The following SLC26A7 variants were observed in gnomAD, a reference collection of about 807,000 sequenced individuals.
SLC26A7 encodes the protein solute carrier family 26 member 7, also known as anion exchange transporter.
A neutral mutation model predicts 82.5 loss-of-function variants in SLC26A7; 59 were observed. That is an observed-to-expected ratio of 0.72 (90% CI 0.58 to 0.89). The LOEUF is 0.89. SLC26A7 is among the 40% of genes least tolerant of loss of function. The probability of loss-of-function intolerance (pLI) is 0.00; values close to 1 mark genes in which losing one functional copy is unlikely to be tolerated. For missense variants in SLC26A7, 820 were observed against 793.0 expected (o/e 1.03, Z -0.41); for synonymous variants, 271 against 274.3 (o/e 0.99, Z 0.12).
At chr8:91,378,163 A>G (rs1814568439) in intron 15 of SLC26A7, among the ~76,000 whole-genome samples, 1 of 151,902 alleles carries the variant, frequency 6.6e-6, no homozygotes, top group African/African-American at 2.4e-5. Flanking sequence ...TGGTCAATTA[A>G]TGAATAAATG....
intron 2 of SLC26A7, among the ~76,000 whole-genome samples, chr8:91,271,871 G>A (rs1212164347): frequency 1.3e-5 from 2 of 152,166 alleles, no homozygotes; most frequent in East Asian, 3.9e-4. Flanking sequence ...TGGGATTACA[G>A]GCGTGAGCCA....
rs553942645 is a variant in SLC26A7, at chr8:91,227,708, T to C, written c.-34+8703T>C. 6.0e-4 allele frequency among the ~76,000 whole-genome samples: 92 copies of C among 152,338 alleles called. 1 individual carries two copies. In the South Asian group the frequency reaches 6.6e-3, roughly 11 times the overall value. On this transcript the variant is annotated intron_variant, in intron 2 of 5. Transcript: ENST00000522862. The stretch of plus-strand genomic sequence containing the variant: ...TATATTAGCTATTTTAGGACTTTTA[T>C]GTTAAAAAGCATTGTTTTCTTTCTT...
At position 91,366,577 on chromosome 8, in the gene SLC26A7, A is replaced by G. The variant is rs768261970; in HGVS notation, c.1489-3A>G. 1.2e-6 allele frequency: 2 copies of G among 1,609,984 alleles called. No individual in the cohort carries two copies. The highest frequency in any genetic ancestry group is 1.7e-6 in the Non-Finnish European group (2 of 1,179,078). ...TTCTGAATCTGTTTTTCTCCTCCAAAAGGAAACCCTGCAGCAGGTGAAAAT... is the reference window on the plus strand; with the variant it reads ...TTCTGAATCTGTTTTTCTCCTCCAAGAGGAAACCCTGCAGCAGGTGAAAAT... On this transcript the variant is annotated splice_polypyrimidine_tract_variant and splice_region_variant and intron_variant, in intron 13 of 18. Coordinates refer to ENST00000276609, the MANE Select transcript of SLC26A7 (RefSeq NM_052832.4).
At chr8:91,341,076 C>T (rs543325547) in intron 8 of SLC26A7, among the ~76,000 whole-genome samples, 1 of 151,220 alleles carries the variant, frequency 6.6e-6, no homozygotes, top group Non-Finnish European at 1.5e-5. Flanking sequence ...CATGCTGGTG[C>T]GCTACACCCA....
chr8:91,272,306 T>C (rs1811293919), intron 2 of SLC26A7, among the ~76,000 whole-genome samples: 1 of 152,224 alleles, frequency 6.6e-6, no homozygotes. Flanking sequence ...CTTTGCTTGA[T>C]ATACAATAGT....
At chr8:91,329,415 A>C (rs1813017948) in intron 5 of SLC26A7, among the ~76,000 whole-genome samples, 2 of 152,036 alleles carry the variant, frequency 1.3e-5, no homozygotes, top group South Asian at 2.1e-4. Context: ...GCTGGTTGTA[A>C]TGAGCTATCC....
At chr8:91,321,323 C>T (rs1398878411) in intron 5 of SLC26A7, among the ~76,000 whole-genome samples, 2 of 152,204 alleles carry the variant, frequency 1.3e-5, no homozygotes, top group African/African-American at 4.8e-5. Context: ...TTCTCATAGG[C>T]TTGAGGGATA....
intron 5 of SLC26A7, among the ~76,000 whole-genome samples, chr8:91,318,593 T>C (rs1344670480): frequency 1.3e-5 from 2 of 152,052 alleles, no homozygotes; most frequent in Non-Finnish European, 2.9e-5. Flanking sequence ...TAATGAACAA[T>C]GGAATATGAG....
intron 5 of SLC26A7, among the ~76,000 whole-genome samples, chr8:91,322,154 A>G (rs1166422696): frequency 6.6e-6 from 1 of 152,184 alleles, no homozygotes; most frequent in African/African-American, 2.4e-5. Context: ...GTGTATTTTA[A>G]TGACTTTAGA....
At chr8:91,332,968 C>T (rs1181327404) in intron 5 of SLC26A7, among the ~76,000 whole-genome samples, 1 of 152,124 alleles carries the variant, frequency 6.6e-6, no homozygotes, top group Non-Finnish European at 1.5e-5. Flanking sequence ...TTGAGAACCA[C>T]TATGTTAAAT....
At chr8:91,215,408 T>A (rs1182343733) in intron 1 of SLC26A7, among the ~76,000 whole-genome samples, 2 of 152,170 alleles carry the variant, frequency 1.3e-5, no homozygotes, top group Non-Finnish European at 2.9e-5. Context: ...CAGTGATGGT[T>A]ACCAATTATG....
chr8:91,394,095 G>C lies in SLC26A7; in HGVS notation c.1935+56G>C. The C allele has an allele frequency of 6.3e-6, 10 of 1,589,454 alleles. No individual in the cohort carries two copies. The South Asian group carries it at 1.0e-4, about 16-fold the overall frequency. On this transcript the variant is annotated intron_variant, in intron 18 of 18. Transcript: ENST00000276609. The stretch of plus-strand genomic sequence containing the variant: ...ATAAGAATATTCAGAATATAGAATC[G>C]AAGCTTTGCATCTTTTATATTAGCT...
chr8:91,370,964 G>T (rs1814342452), intron 15 of SLC26A7, among the ~76,000 whole-genome samples: 1 of 151,686 alleles, frequency 6.6e-6, no homozygotes, highest in Admixed American at 6.6e-5. Context: ...ATATCTAGTT[G>T]TATTACTTTT....
At chr8:91,235,994 C>T (rs1810387954) in intron 2 of SLC26A7, among the ~76,000 whole-genome samples, 1 of 152,178 alleles carries the variant, frequency 6.6e-6, no homozygotes, top group African/African-American at 2.4e-5. Flanking sequence ...GAAAATTTTA[C>T]TTAGATGCAT....
In SLC26A7 at chr8:91,395,195, G is replaced by C; in HGVS notation, c.*98G>C. ...ACTTTTTGGTTGTTTAGATCCTACA[G>C]ATGACCTCTGCTACAATAAGTACGA... On this transcript the variant is annotated 3_prime_UTR_variant, in exon 19 of 19. Transcript: ENST00000276609. 2.5e-6 allele frequency: 4 copies of C among 1,583,444 alleles called. No individual in the cohort carries two copies. The East Asian group carries it at 9.0e-5, about 36-fold the overall frequency.
At chr8:91,374,591 A>G (rs1394877823) in intron 15 of SLC26A7, among the ~76,000 whole-genome samples, 1 of 152,006 alleles carries the variant, frequency 6.6e-6, no homozygotes, top group Non-Finnish European at 1.5e-5. Context: ...TTCCAAAAAG[A>G]TGCTTGATAT....
At chr8:91,334,979 A>G (rs1813200565) in intron 6 of SLC26A7, among the ~76,000 whole-genome samples, 1 of 152,182 alleles carries the variant, frequency 6.6e-6, no homozygotes, top group Admixed American at 6.5e-5. Flanking sequence ...GTACCTGGAA[A>G]AGCAATACAT....
chr8:91,351,899 C>A lies in SLC26A7; in HGVS notation c.1218+12C>A. 6.4e-7 allele frequency: 1 copy of A among 1,567,944 alleles called. No homozygotes were observed. The highest frequency in any genetic ancestry group is 8.8e-7 in the Non-Finnish European group (1 of 1,139,874). ...ACTGGCTGCCCATGGTACGGTAGTG[C>A]TTTTTCACTATCTACTTTTTAATTT... On this transcript the variant is annotated intron_variant, in intron 10 of 18. Coordinates refer to ENST00000276609, the MANE Select transcript of SLC26A7 (RefSeq NM_052832.4).
intron 15 of SLC26A7, among the ~76,000 whole-genome samples, chr8:91,386,388 T>C (rs1180342024): frequency 2.0e-5 from 3 of 152,108 alleles, no homozygotes; most frequent in East Asian, 1.9e-4. Context: ...ACGGAAATTT[T>C]TGAACAAATT....
Sources: allele counts gnomAD v4.1 joint callset (sites outside exome capture counted in the v4.1 genomes callset), GRCh38; gene constraint gnomAD v4.1.1; transcripts MANE v1.5; gene names NCBI Gene and HGNC (gene_info 2026-07-23, HGNC 2026-07-21).